Variants in UBA6 observed in about 807,000 individuals in gnomAD.
UBA6 encodes the protein ubiquitin like modifier activating enzyme 6.
In UBA6, 87 loss-of-function variants were observed where a neutral mutation model predicts 148.3. The ratio of observed to expected loss-of-function variants is 0.59; its 90% CI spans 0.49 to 0.70. The LOEUF is 0.70. UBA6 is among the 30% of genes least tolerant of loss of function. The probability of loss-of-function intolerance (pLI) is 0.00; values close to 1 mark genes in which losing one functional copy is unlikely to be tolerated. For synonymous variants in UBA6, 376 were observed against 401.0 expected, an observed-to-expected ratio of 0.94 and a Z score of 0.75; for missense variants, 1,186 against 1,241.2, an observed-to-expected ratio of 0.96 and a Z score of 0.67.
chr4:67,681,577 G>A lies in UBA6; in HGVS notation c.244C>T (p.Leu82Phe). The A allele has an allele frequency of 6.3e-7, 1 of 1,578,334 alleles. No individual in the cohort carries two copies. Among genetic ancestry groups the A allele is most frequent in the Non-Finnish European group, 8.6e-7 (1 of 1,168,166 alleles). ...LGLEIAKNLV[L>F]AGIKAVTIHD... Reference sequence around the variant, plus strand: ...CATTTACTTACCTTAATCCCTGCAAGAACAAGATTCTTTGCTAGAAAGGCA... The same window carrying A: ...CATTTACTTACCTTAATCCCTGCAAAAACAAGATTCTTTGCTAGAAAGGCA... The change falls in exon 4 of 33, where the codon CTT (leucine) becomes TTT (phenylalanine). Residue 82 changes from leucine to phenylalanine, a missense_variant. Physicochemically the swap from Leu to Phe is conservative, Grantham distance 22. Coordinates refer to ENST00000322244, the MANE Select transcript of UBA6 (RefSeq NM_018227.6).
chr4:67,638,757 A>G (rs1729230703), intron 19 of UBA6, among the ~76,000 whole-genome samples, 186 bp downstream of exon 19: 1 of 152,250 alleles, frequency 6.6e-6, no homozygotes, highest in South Asian at 2.1e-4. Flanking sequence ...CATTTAGGTT[A>G]TGTTACAGAT....
chr4:67,612,905 G>A lies in UBA6; in HGVS notation c.*6092C>T, dbSNP rs1261326879. The A allele has an allele frequency of 5.3e-5, 8 of 152,174 alleles. No homozygotes were observed. The highest frequency in any genetic ancestry group is 1.2e-4 in the Non-Finnish European group (8 of 68,026). 9.4% of individuals were successfully genotyped at this position (152,174 alleles called of 1,614,324 possible). On this transcript the variant is annotated 3_prime_UTR_variant, in exon 33 of 33. Coordinates refer to ENST00000322244, the MANE Select transcript of UBA6 (RefSeq NM_018227.6). ...AGAAAAGATAGAAATTCAGAAAAAT[G>A]AACCATTCATTTGGGACCACTGTGT...
At chr4:67,699,243 A>G (rs571324239) in intron 1 of UBA6, among the ~76,000 whole-genome samples, 77 of 152,336 alleles carry the variant, frequency 5.1e-4, no homozygotes, top group African/African-American at 1.8e-3. Context: ...AGTGGAGGCC[A>G]TTCCTAGTTC....
chr4:67,644,570 T>A, intron 17 of UBA6, 128 bp downstream of exon 17: 1 of 595,840 alleles, frequency 1.7e-6, no homozygotes, highest in Non-Finnish European at 3.1e-6. Flanking sequence ...GGCATGACAA[T>A]CTTCCAATTT....
rs745308822 is a variant in UBA6 at position 67,638,863 on chromosome 4, T to A, written c.1736+80A>T. ...CATAAGGAATAATCAGATAATTCCG[T>A]AACTTTTCAATAAGTAATGTGGGAA... On this transcript the variant is annotated intron_variant, in intron 19 of 32. Transcript: ENST00000322244. 3.7e-6 allele frequency: 4 copies of A among 1,078,872 alleles called. No individual in the cohort carries two copies. The African/African-American group carries it at 6.3e-5, about 17-fold the overall frequency. 66.8% of individuals were successfully genotyped at this position (1,078,872 alleles called of 1,614,324 possible). A position where few individuals can be genotyped will look rare whatever the true frequency, so the allele number is the denominator to read the frequency against.
chr4:67,664,676 G>A (rs1009248464), intron 10 of UBA6, among the ~76,000 whole-genome samples: 3 of 151,858 alleles, frequency 2.0e-5, no homozygotes, highest in Admixed American at 1.3e-4. Flanking sequence ...AATGCCAGTC[G>A]TTTTTAGAAA....
In UBA6 at chr4:67,673,760, C is replaced by T; in HGVS notation, c.483G>A (p.Glu161=). The T allele has an allele frequency of 6.2e-7, 1 of 1,611,242 alleles. No homozygotes were observed. Among genetic ancestry groups the T allele is most frequent in the Non-Finnish European group, 8.5e-7 (1 of 1,178,088 alleles). ...LDKYQCVVLT[E]MKLPLQKKIN... is the part of the protein sequence containing the mutation. ...TCTTCTTCTGCAATGGAAGTTTCATCTCAGTCAATACTACACACTGTTGAG... is the reference window on the plus strand; with the variant it reads ...TCTTCTTCTGCAATGGAAGTTTCATTTCAGTCAATACTACACACTGTTGAG... Residue 161 remains glutamate, a synonymous_variant, in exon 7 of 33, where the codon GAG becomes GAA. Transcript: ENST00000322244.
intron 27 of UBA6, among the ~76,000 whole-genome samples, chr4:67,627,692 C>CT (rs879365628): frequency 7.5e-4 from 107 of 143,002 alleles, no homozygotes; most frequent in African/African-American, 1.4e-3. Context: ...CCCTACAAGT[C>CT]TTTTTTTTTT....
At chr4:67,672,593 A>T (rs934732285) in intron 7 of UBA6, among the ~76,000 whole-genome samples, 35 of 152,194 alleles carry the variant, frequency 2.3e-4, no homozygotes, top group African/African-American at 8.4e-4. Context: ...AAGATCTTGT[A>T]ACGTATGGCC....
chr4:67,633,929 C>A (rs879770452), intron 22 of UBA6, among the ~76,000 whole-genome samples: 4 of 151,868 alleles, frequency 2.6e-5, no homozygotes, highest in Non-Finnish European at 5.9e-5. Flanking sequence ...TCAATTTTTT[C>A]TTTCCAAAGG....
In UBA6 at chr4:67,668,634, T is replaced by A; in HGVS notation, c.710A>T (p.His237Leu). The A allele has an allele frequency of 6.2e-7, 1 of 1,613,366 alleles. No homozygotes were observed. Among genetic ancestry groups the A allele is most frequent in the Non-Finnish European group, 8.5e-7 (1 of 1,179,478 alleles). The change falls in exon 9 of 33, where the codon CAC becomes CTC. Residue 237 changes from histidine (H) to leucine (L), a missense_variant. By Grantham distance (99) the His-to-Leu change is moderately conservative (BLOSUM62 -3). Coordinates refer to ENST00000322244, the MANE Select transcript of UBA6 (RefSeq NM_018227.6). ...TAGGAATTGTCCTGTCTCCAGTTTG[T>A]GAGGATGATTTTCAAGGCAAGTAAC... ...GIVTCLENHPHKLETGQFLTF... is the reference protein window; with the variant it reads ...GIVTCLENHPLKLETGQFLTF...
At chr4:67,698,373 T>C (rs1577847726) in intron 1 of UBA6, among the ~76,000 whole-genome samples, 1 of 152,188 alleles carries the variant, frequency 6.6e-6, no homozygotes, top group Admixed American at 6.5e-5. Flanking sequence ...CCTAAAACAG[T>C]ACCAGGCATT....
intron 2 of UBA6, among the ~76,000 whole-genome samples, chr4:67,690,477 A>C (rs1485673868): frequency 6.6e-6 from 1 of 152,100 alleles, no homozygotes; most frequent in Non-Finnish European, 1.5e-5. Flanking sequence ...AAAACCAGTA[A>C]AGGAAACAGT....
At position 67,615,663 on chromosome 4, in the gene UBA6, A is replaced by G. The variant is rs907878054; in HGVS notation, c.*3334T>C. The G allele has an allele frequency of 6.5e-6, 1 of 152,676 alleles. No individual in the cohort carries two copies. The highest frequency in any genetic ancestry group is 1.5e-5 in the Non-Finnish European group (1 of 68,360). The allele number at this position is 152,676 out of a possible 1,614,324, so 9.5% of individuals were successfully genotyped here. On this transcript the variant is annotated 3_prime_UTR_variant, in exon 33 of 33. Coordinates refer to ENST00000322244, the MANE Select transcript of UBA6 (RefSeq NM_018227.6). The stretch of plus-strand genomic sequence containing the variant: ...ACAGTAAATAAATTGTGGCATATTA[A>G]CAGAAAAGTAAATTACACAGACATA...
At chr4:67,693,520 A>C (rs1355420622) in intron 2 of UBA6, among the ~76,000 whole-genome samples, 1 of 152,036 alleles carries the variant, frequency 6.6e-6, no homozygotes, top group Non-Finnish European at 1.5e-5. Context: ...GGCACTCCTA[A>C]CTCCTTCATT....
At chr4:67,678,865 C>T (rs1730354582) in intron 4 of UBA6, among the ~76,000 whole-genome samples, 1 of 152,116 alleles carries the variant, frequency 6.6e-6, no homozygotes, top group Admixed American at 6.5e-5. Context: ...AGCAAAAAGA[C>T]ATATGCATTT....
intron 13 of UBA6, among the ~76,000 whole-genome samples, chr4:67,653,230 G>A (rs1323631949): frequency 6.6e-6 from 1 of 152,146 alleles, no homozygotes; most frequent in Admixed American, 6.5e-5. Context: ...TCCTCAATTG[G>A]GTCCCTGACC....
chr4:67,699,800 G>A (rs1453562127), intron 1 of UBA6, among the ~76,000 whole-genome samples: 1 of 152,108 alleles, frequency 6.6e-6, no homozygotes, highest in Non-Finnish European at 1.5e-5. Flanking sequence ...ACGCGGTTTC[G>A]CCATGTTGCC....
rs1206844958 is a variant in UBA6, at chr4:67,693,279, T to C, written c.134+3366A>G. Among the ~76,000 whole-genome samples the C allele has an allele frequency of 2.0e-5, 3 of 152,210 alleles. No individual in the cohort carries two copies. In the East Asian group the frequency reaches 5.8e-4, roughly 29 times the overall value. ...ATAAATATATTTTCTCTTTCTTACA[T>C]GATTTTCTTAACATTTTATTTTCTC... On this transcript the variant is annotated intron_variant, in intron 2 of 32. Coordinates refer to ENST00000322244, the MANE Select transcript of UBA6 (RefSeq NM_018227.6).
Sources: gnomAD v4.1 joint callset for allele counts (sites outside exome capture counted in the v4.1 genomes callset) on GRCh38, gnomAD v4.1.1 for gene constraint, MANE v1.5 for transcripts, NCBI Gene and HGNC (gene_info 2026-07-23, HGNC 2026-07-21) for gene names.